Variants in SRPK2 observed in about 807,000 individuals in gnomAD.
SRPK2 encodes SFRS protein kinase 2.
Under a neutral mutation model 90.8 loss-of-function variants are expected in SRPK2, and 21 were observed. The observed-to-expected ratio is 0.23, with a 90% confidence interval of 0.16 to 0.33. SRPK2 has a LOEUF of 0.33. Ranked by LOEUF, SRPK2 falls within the 10% of genes least tolerant of loss-of-function variation. The pLI, the probability that SRPK2 is intolerant of heterozygous loss-of-function variation, is 1.00. For synonymous variants in SRPK2, 288 were observed against 311.1 expected (o/e 0.93, Z 0.78); for missense variants, 620 against 869.0 (o/e 0.71, Z 3.60).
At chr7:105,309,380 A>C (rs976569209) in intron 2 of SRPK2, among the ~76,000 whole-genome samples, 3 of 152,226 alleles carry the variant, frequency 2.0e-5, no homozygotes, top group Non-Finnish European at 4.4e-5. Flanking sequence ...GGGAGCCTTC[A>C]TCATTAAAGT....
At chr7:105,385,002 G>A (rs1376355496) in intron 2 of SRPK2, among the ~76,000 whole-genome samples, 4 of 149,450 alleles carry the variant, frequency 2.7e-5, no homozygotes, top group Non-Finnish European at 5.9e-5. Context: ...TCAGCCTCCC[G>A]AGTAGCTGGG....
chr7:105,383,063 T>TTTTA (rs1821139255), intron 2 of SRPK2, among the ~76,000 whole-genome samples: 2 of 125,404 alleles, frequency 1.6e-5, no homozygotes, highest in African/African-American at 6.2e-5. Flanking sequence ...ATTTTTTTTT[T>TTTTA]TTTTTTTTTT....
chr7:105,287,267 AAAAAAAAAAAAAAAAAAG>A (rs1364963277), intron 2 of SRPK2, among the ~76,000 whole-genome samples: 2 of 123,674 alleles, frequency 1.6e-5, no homozygotes, highest in East Asian at 2.4e-4. Flanking sequence ...TCTAAAAAAA[AAAAAAAAAAAAAAAAAAG>A]AAGAAAAGGA....
At chr7:105,303,535 G>C (rs967312911) in intron 2 of SRPK2, among the ~76,000 whole-genome samples, 1 of 151,900 alleles carries the variant, frequency 6.6e-6, no homozygotes, top group African/African-American at 2.4e-5. Flanking sequence ...CAAGATTTAT[G>C]GAAATAAAAG....
chr7:105,397,478 CGCCACCAT>C (rs1563330002), intron 1 of SRPK2, among the ~76,000 whole-genome samples: 5 of 149,682 alleles, frequency 3.3e-5, no homozygotes, highest in Admixed American at 3.3e-4. Context: ...TATAGGCACA[CGCCACCAT>C]GCCCGGGTAA....
rs545088265 is a variant in SRPK2, at chr7:105,316,218, C to T, written c.71+72430G>A. Among the ~76,000 whole-genome samples the T allele has an allele frequency of 6.6e-5, 10 of 152,094 alleles. No homozygotes were observed. In the East Asian group the frequency reaches 9.6e-4, roughly 15 times the overall value. ...TTTTGTATTTTTAGTAGAGACTCAG[C>T]CTCCCAAAATGCTGGGATTACAGGC... On this transcript the variant is annotated intron_variant, in intron 2 of 15. Transcript: ENST00000393651.
intron 2 of SRPK2, among the ~76,000 whole-genome samples, chr7:105,362,347 C>A (rs1041702997): frequency 3.9e-5 from 6 of 152,040 alleles, no homozygotes; most frequent in Non-Finnish European, 8.8e-5. Flanking sequence ...GTGGCTCACG[C>A]CTGTAGTCCC....
chr7:105,290,310 AAAAC>A (rs1186835177), intron 2 of SRPK2, among the ~76,000 whole-genome samples: 3 of 151,576 alleles, frequency 2.0e-5, no homozygotes, highest in African/African-American at 7.3e-5. Flanking sequence ...CTGTTTCTAT[AAAAC>A]AAACAAACAA....
intron 2 of SRPK2, among the ~76,000 whole-genome samples, chr7:105,217,145 C>T (rs181601141): frequency 1.5e-3 from 226 of 152,312 alleles, no homozygotes; most frequent in Middle Eastern, 3.4e-3. Flanking sequence ...TCTGACTATC[C>T]TAACTGCAAA....
chr7:105,376,724 G>A lies in SRPK2; in HGVS notation c.71+11924C>T, dbSNP rs1820345741. 2.0e-5 allele frequency among the ~76,000 whole-genome samples: 3 copies of A among 151,432 alleles called. No individual in the cohort carries two copies. In the South Asian group the frequency reaches 6.3e-4, roughly 32 times the overall value. ...GGCTAATTTTTGTATTTTTAGTAGAGATGGGGTTTCGCCATGTTGGCCAGG... is the reference window on the plus strand; with the variant it reads ...GGCTAATTTTTGTATTTTTAGTAGAAATGGGGTTTCGCCATGTTGGCCAGG... On this transcript the variant is annotated intron_variant, in intron 2 of 15. Coordinates refer to ENST00000393651, the MANE Select transcript of SRPK2 (RefSeq NM_182692.3).
chr7:105,326,938 C>T (rs1813659572), intron 2 of SRPK2, among the ~76,000 whole-genome samples: 1 of 152,004 alleles, frequency 6.6e-6, no homozygotes, highest in African/African-American at 2.4e-5. Context: ...TGGTGGGAGC[C>T]TGTAATCCCA....
intron 11 of SRPK2, among the ~76,000 whole-genome samples, chr7:105,140,004 A>G (rs1393009781): frequency 6.6e-6 from 1 of 152,130 alleles, no homozygotes; most frequent in East Asian, 1.9e-4. Flanking sequence ...TTTGCATATA[A>G]CCTACATATA....
intron 2 of SRPK2, among the ~76,000 whole-genome samples, chr7:105,359,055 C>T (rs1231687436): frequency 6.6e-6 from 1 of 151,678 alleles, no homozygotes; most frequent in African/African-American, 2.4e-5. Context: ...GATCCACCCC[C>T]TACAATCCAA....
intron 2 of SRPK2, among the ~76,000 whole-genome samples, chr7:105,225,148 G>C (rs1037382416): frequency 6.6e-6 from 1 of 151,946 alleles, no homozygotes; most frequent in African/African-American, 2.4e-5. Context: ...TCTAGCCTAG[G>C]CTTTTTTTAG....
intron 2 of SRPK2, among the ~76,000 whole-genome samples, chr7:105,235,087 G>T (rs924043338): frequency 6.6e-6 from 1 of 152,100 alleles, no homozygotes; most frequent in Non-Finnish European, 1.5e-5. Context: ...TTCCAATGTG[G>T]CCCAGAGAAG....
At chr7:105,300,627 C>A (rs948870295) in intron 2 of SRPK2, among the ~76,000 whole-genome samples, 5 of 152,036 alleles carry the variant, frequency 3.3e-5, no homozygotes, top group South Asian at 4.2e-4. Flanking sequence ...TGACAAAGGG[C>A]TAATATCCAG....
chr7:105,302,640 G>C (rs1251535452), intron 2 of SRPK2, among the ~76,000 whole-genome samples: 1 of 152,056 alleles, frequency 6.6e-6, no homozygotes, highest in African/African-American at 2.4e-5. Flanking sequence ...TTTGAAAGGT[G>C]AACTGCTTCC....
At chr7:105,270,459 G>A (rs1007073097) in intron 2 of SRPK2, among the ~76,000 whole-genome samples, 9 of 148,872 alleles carry the variant, frequency 6.0e-5, no homozygotes, top group Admixed American at 3.4e-4. Flanking sequence ...CCAGGCTAGA[G>A]TGCAATGGCA....
intron 2 of SRPK2, among the ~76,000 whole-genome samples, chr7:105,312,902 T>C (rs1431878041): frequency 6.6e-6 from 1 of 152,154 alleles, no homozygotes; most frequent in Non-Finnish European, 1.5e-5. Flanking sequence ...CTCCCCCAAG[T>C]GCTGGGATGA....
Sources: allele counts gnomAD v4.1 joint callset (sites outside exome capture counted in the v4.1 genomes callset), GRCh38; gene constraint gnomAD v4.1.1; transcripts MANE v1.5; gene names NCBI Gene and HGNC (gene_info 2026-07-23, HGNC 2026-07-21).